Variants in ITGAV observed in about 807,000 individuals in gnomAD.
ITGAV encodes the protein integrin subunit alpha V, also known as integrin alpha-V.
ITGAV carries 76 observed loss-of-function variants against 143.8 expected under a neutral mutation model. The ratio of observed to expected loss-of-function variants is 0.53; its 90% confidence interval spans 0.44 to 0.64. The LOEUF is 0.64. ITGAV is among the 30% of genes least tolerant of loss of function. The pLI is 0.00. For missense variants in ITGAV, 1,193 were observed against 1,274.7 expected, an observed-to-expected ratio of 0.94 and a Z score of 0.98; for synonymous variants, 453 against 446.7, an observed-to-expected ratio of 1.01 and a Z score of -0.18.
At chr2:186,637,210 T>C in intron 8 of ITGAV, 101 bp downstream of exon 8, 1 of 932,396 alleles carries the variant, frequency 1.1e-6, no homozygotes, top group Non-Finnish European at 1.7e-6. Flanking sequence ...GGCTGGGTGC[T>C]GTGGCTGCAG....
rs1334724420 is a variant in ITGAV, at chr2:186,679,775, TTC to T, written c.*2485_*2486del. 6.6e-6 allele frequency: 1 copy of T among 152,102 alleles called. No homozygotes were observed. The highest frequency in any genetic ancestry group is 1.5e-5 in the Non-Finnish European group (1 of 67,932). The allele number at this position is 152,102 out of a possible 1,614,324, so 9.4% of individuals were successfully genotyped here. A position where few individuals can be genotyped will look rare whatever the true frequency, so the allele number is the denominator to read the frequency against. On this transcript the variant is annotated 3_prime_UTR_variant, in exon 30 of 30. Transcript: ENST00000261023. The stretch of plus-strand genomic sequence containing the variant: ...GAGAAAAATACATGTGAGTCATTTT[TTC>T]TGTTTCTCTTTTCTCTTAACGATTA...
intron 8 of ITGAV, 138 bp from the exon 9 acceptor site, chr2:186,638,139 A>C (rs1403432416): frequency 1.4e-6 from 1 of 697,684 alleles, no homozygotes; most frequent in Non-Finnish European, 2.5e-6. Context: ...TTTATTACGG[A>C]GTACCAATTT....
chr2:186,590,367 G>T lies in ITGAV; in HGVS notation c.29G>T (p.Arg10Leu). 6.3e-7 allele frequency: 1 copy of T among 1,589,542 alleles called. No individual in the cohort carries two copies. The highest frequency in any genetic ancestry group is 8.5e-7 in the Non-Finnish European group (1 of 1,170,046). The change falls in exon 1 of 30, where the codon CGC (arginine) becomes CTC (leucine). Residue 10 changes from arginine to leucine, a missense_variant. Transcript: ENST00000261023. MAFPPRRRLRLGPRGLPLLL... is the reference protein window; with the variant it reads MAFPPRRRLLLGPRGLPLLL... ...GCTTTTCCGCCGCGGCGACGGCTGC[G>T]CCTCGGTCCCCGCGGCCTCCCGCTT... is the stretch of plus-strand genomic sequence containing the variant.
At chr2:186,608,134 A>T (rs1397846862) in intron 2 of ITGAV, among the ~76,000 whole-genome samples, 1 of 152,192 alleles carries the variant, frequency 6.6e-6, no homozygotes, top group East Asian at 1.9e-4. Flanking sequence ...GGACAGTTGT[A>T]TAGGAAAGTT....
rs200088164 is a variant in ITGAV at position 186,656,330 on chromosome 2, A to G, written c.1648A>G (p.Ser550Gly). ...ACTGTTTCTCTACAGCAGGTCCCCA[A>G]GTCACTCCAAGAACATGACTATTTC... is the stretch of plus-strand genomic sequence containing the variant. ...RALFLYSRSPSHSKNMTISRG... is the reference protein window; with the variant it reads ...RALFLYSRSPGHSKNMTISRG... The change falls in exon 17 of 30, where the codon AGT (serine) becomes GGT (glycine). Residue 550 changes from serine to glycine, a missense_variant. Ser to Gly is a moderately conservative substitution (Grantham distance 56, BLOSUM62 0). Transcript: ENST00000261023. 1.8e-5 allele frequency: 28 copies of G among 1,576,780 alleles called. No individual in the cohort carries two copies. The East Asian group carries it at 5.8e-4, about 33-fold the overall frequency.
chr2:186,601,320 G>A (rs2105654242), intron 1 of ITGAV, among the ~76,000 whole-genome samples: 1 of 151,944 alleles, frequency 6.6e-6, no homozygotes, highest in South Asian at 2.1e-4. Context: ...AATTAGCTTA[G>A]CATGGTGGCA....
At chr2:186,674,971 G>A (rs1262079967) in intron 26 of ITGAV, among the ~76,000 whole-genome samples, 3 of 152,154 alleles carry the variant, frequency 2.0e-5, no homozygotes, top group Non-Finnish European at 4.4e-5. Flanking sequence ...TCAGGTCAAG[G>A]AAACTCTTTT....
chr2:186,614,066 C>T (rs1220520151), intron 2 of ITGAV, among the ~76,000 whole-genome samples: 4 of 151,956 alleles, frequency 2.6e-5, no homozygotes, highest in African/African-American at 9.7e-5. Context: ...AAAATGTAAA[C>T]AAAGTTAATT....
chr2:186,635,936 A>C (rs1687934344), intron 6 of ITGAV, 146 bp from the exon 7 acceptor site: 1 of 544,612 alleles, frequency 1.8e-6, no homozygotes, highest in Non-Finnish European at 3.0e-6. Flanking sequence ...TTTCAAATTG[A>C]GTATGATCAA....
intron 1 of ITGAV, among the ~76,000 whole-genome samples, chr2:186,592,154 C>A (rs1175505022): frequency 6.6e-6 from 1 of 152,088 alleles, no homozygotes; most frequent in East Asian, 1.9e-4. Context: ...TTAAATACTT[C>A]AGGCCAGGCA....
At position 186,663,454 on chromosome 2, in the gene ITGAV, T is replaced by C. The variant is rs889633605; in HGVS notation, c.1858-314T>C. Among the ~76,000 whole-genome samples, 6 of 152,202 alleles carry C rather than the reference T, an allele frequency of 3.9e-5. No individual in the cohort carries two copies. In the South Asian group the frequency reaches 6.2e-4, roughly 16 times the overall value. On this transcript the variant is annotated intron_variant, in intron 18 of 29. Transcript: ENST00000261023. ...TGAAGCCTCATTTCTTGGCTATTAC[T>C]TTCTTTTCTACACCAGTCTTCATTC... is the stretch of plus-strand genomic sequence containing the variant.
intron 13 of ITGAV, among the ~76,000 whole-genome samples, chr2:186,647,940 T>C (rs1221075967): frequency 6.6e-6 from 1 of 152,248 alleles, no homozygotes; most frequent in African/African-American, 2.4e-5. Context: ...AAATGCAATA[T>C]ATTTGTTATA....
At chr2:186,642,902 A>G (rs16828147) in intron 12 of ITGAV, among the ~76,000 whole-genome samples, 562 of 152,230 alleles carry the variant, frequency 3.7e-3, no homozygotes, top group African/African-American at 0.013. Context: ...AGGCTTAAAG[A>G]TTTTTACCAC....
chr2:186,601,376 G>A (rs757302406), intron 1 of ITGAV, among the ~76,000 whole-genome samples: 2 of 151,590 alleles, frequency 1.3e-5, no homozygotes, highest in Admixed American at 6.6e-5. Context: ...TAGGAGGATC[G>A]CTTGAGCCAG....
chr2:186,593,116 C>A (rs1686658907), intron 1 of ITGAV, among the ~76,000 whole-genome samples: 1 of 152,102 alleles, frequency 6.6e-6, no homozygotes, highest in Non-Finnish European at 1.5e-5. Flanking sequence ...TTTGTCAATT[C>A]AAGAGCGCCT....
intron 2 of ITGAV, among the ~76,000 whole-genome samples, chr2:186,603,938 C>T (rs1046840873): frequency 6.6e-5 from 10 of 151,334 alleles, no homozygotes; most frequent in Admixed American, 5.9e-4. Context: ...GATCATGGCT[C>T]ATTGCAGCCT....
intron 4 of ITGAV, 91 bp downstream of exon 4, chr2:186,625,678 T>TGTGTGTGTGTGTGA (rs5836988): frequency 0.011 from 4,987 of 452,262 alleles, 33 homozygotes; most frequent in East Asian, 0.082. Context: ...TGTGTGTGTG[T>TGTGTGTGTGTGTGA]GAGAGAGAGA....
intron 3 of ITGAV, 108 bp from the exon 4 acceptor site, chr2:186,625,365 C>G (rs899987235): frequency 1.9e-5 from 13 of 675,940 alleles, no homozygotes; most frequent in African/African-American, 1.3e-4. Context: ...GACTGAGACC[C>G]CATCTCAAAA....
At chr2:186,637,627 G>C (rs1183110629) in intron 8 of ITGAV, among the ~76,000 whole-genome samples, 1 of 152,192 alleles carries the variant, frequency 6.6e-6, no homozygotes, top group African/African-American at 2.4e-5. Context: ...TCTAGTGGCT[G>C]CTGAAATTGA....
Sources: gnomAD v4.1 joint callset for allele counts (sites outside exome capture counted in the v4.1 genomes callset) on GRCh38, gnomAD v4.1.1 for gene constraint, MANE v1.5 for transcripts, NCBI Gene and HGNC (gene_info 2026-07-23, HGNC 2026-07-21) for gene names.